MRPL39: variants seen among roughly 807,000 people sequenced by gnomAD.
MRPL39 encodes mitochondrial ribosomal protein L39, also known as large ribosomal subunit protein mL39.
In MRPL39, 35 loss-of-function variants were observed where a neutral mutation model predicts 44.5. The ratio of observed to expected loss-of-function variants is 0.79; its 90% confidence interval spans 0.60 to 1.04. MRPL39 has a LOEUF of 1.04. Ranked by LOEUF, MRPL39 falls within the 50% of genes least tolerant of loss-of-function variation. The probability of loss-of-function intolerance (pLI) is 0.00; values close to 1 mark genes in which losing one functional copy is unlikely to be tolerated. For missense variants in MRPL39, 433 were observed against 413.5 expected, an observed-to-expected ratio of 1.05 and a Z score of -0.41; for synonymous variants, 139 against 136.1, an observed-to-expected ratio of 1.02 and a Z score of -0.15.
chr21:25,593,879 A>G lies in MRPL39; in HGVS notation c.767+14T>C, dbSNP rs760073046. The G allele has an allele frequency of 3.1e-6, 5 of 1,609,280 alleles. No homozygotes were observed. The South Asian group carries it at 4.4e-5, about 14-fold the overall frequency. On this transcript the variant is annotated intron_variant, in intron 7 of 9. Coordinates refer to ENST00000352957, the MANE Select transcript of MRPL39 (RefSeq NM_017446.4). ...TACTCTAACATAGCAGCCAGTTTTT[A>G]GACTTTTACTTACCTGTGTAGCTTG... is the stretch of plus-strand genomic sequence containing the variant.
In MRPL39 at chr21:25,606,449, G is replaced by A; in HGVS notation, c.280C>T (p.His94Tyr). 6.3e-7 allele frequency: 1 copy of A among 1,591,524 alleles called. No individual in the cohort carries two copies. Among genetic ancestry groups the A allele is most frequent in the Non-Finnish European group, 8.6e-7 (1 of 1,168,036 alleles). ...ACTGTAACCTGATTCTGCTACTTAC[G>A]CATGGCACAACTGTAGGGAGTTGAA... Reference protein sequence around the residue: ...NISTPYSCAMHLSEWYCRKSI... With the variant: ...NISTPYSCAMYLSEWYCRKSI... Residue 94 changes from histidine to tyrosine, a missense_variant and splice_region_variant, in exon 2 of 10, where the codon CAT becomes TAT. His to Tyr is a moderately conservative substitution (Grantham distance 83). Coordinates refer to ENST00000352957, the MANE Select transcript of MRPL39 (RefSeq NM_017446.4).
intron 8 of MRPL39, among the ~76,000 whole-genome samples, chr21:25,592,226 G>C (rs1346107701): frequency 6.6e-6 from 1 of 152,148 alleles, no homozygotes; most frequent in Non-Finnish European, 1.5e-5. Flanking sequence ...AGGCCAACAT[G>C]AGGGATCCCC....
chr21:25,595,948 C>G (rs1454595074), intron 6 of MRPL39, among the ~76,000 whole-genome samples: 1 of 152,172 alleles, frequency 6.6e-6, no homozygotes, highest in Non-Finnish European at 1.5e-5. Context: ...ACTATCTGTA[C>G]TCTAGTTAAA....
At chr21:25,607,568 T>G, upstream of MRPL39, 1 of 1,329,292 alleles carries the variant, frequency 7.5e-7, no homozygotes, top group Non-Finnish European at 1.0e-6. Context: ...ACAGGTCTGT[T>G]CCGGACCCAG....
intron 7 of MRPL39, 143 bp from the exon 8 acceptor site, chr21:25,593,108 C>G: frequency 1.5e-6 from 1 of 658,438 alleles, no homozygotes; most frequent in Admixed American, 3.4e-5. Flanking sequence ...TCTAATGACC[C>G]CTGACATAAT....
rs1401011005 is a variant in MRPL39 at position 25,606,599 on chromosome 21, G to A, written c.130C>T (p.Arg44Trp). The change falls in exon 2 of 10, where the codon CGG (arginine) becomes TGG (tryptophan). Residue 44 changes from arginine to tryptophan, a missense_variant. By Grantham distance (101) the Arg-to-Trp change is moderately radical (BLOSUM62 -3). Transcript: ENST00000352957. ...TTCTCTTTATTAAAGAGATCATTCC[G>A]CATTTCTGTCAATTCTGTCGGTGAC... ...QLSPTELTEM[R>W]NDLFNKEKAR... 1.2e-6 allele frequency: 2 copies of A among 1,613,686 alleles called. No individual in the cohort carries two copies. Among genetic ancestry groups the A allele is most frequent in the Non-Finnish European group, 1.7e-6 (2 of 1,179,814 alleles).
intron 4 of MRPL39, among the ~76,000 whole-genome samples, chr21:25,600,876 G>A (rs1165796735): frequency 3.3e-5 from 5 of 152,196 alleles, no homozygotes; most frequent in African/African-American, 1.2e-4. Context: ...GGGAGGCCGA[G>A]GCAGGCAGAT....
intron 6 of MRPL39, 61 bp from the exon 7 acceptor site, chr21:25,594,019 A>G: frequency 1.5e-6 from 2 of 1,371,742 alleles, no homozygotes; most frequent in Middle Eastern, 2.1e-4. Flanking sequence ...AGGTGTTTAA[A>G]GATACCTCCC....
chr21:25,592,861 G>A lies in MRPL39; in HGVS notation c.872C>T (p.Pro291Leu), dbSNP rs767308986. 8 of 1,612,830 alleles carry A rather than the reference G, an allele frequency of 5.0e-6. No homozygotes were observed. The African/African-American group carries it at 1.1e-4, about 22-fold the overall frequency. ...GCCCTGGAATCTTCGTATGAGACTT[G>A]GCTGGGTGGGTTGAAGATTGTGAAC... ...SAVHNLQPTQ[P>L]SLIRRFQGVS... Residue 291 changes from proline to leucine, a missense_variant, in exon 8 of 10, where the codon CCA becomes CTA. Pro to Leu is a moderately conservative substitution (Grantham distance 98, BLOSUM62 -3). Transcript: ENST00000352957.
chr21:25,587,632 C>T, intron 9 of MRPL39: 1 of 1,192,488 alleles, frequency 8.4e-7, no homozygotes, highest in Non-Finnish European at 1.2e-6. Flanking sequence ...AGAAAACAAT[C>T]AAAAAATAGT....
chr21:25,597,424 G>T lies in MRPL39; in HGVS notation c.589-10C>A, dbSNP rs1568863635. 1.4e-6 allele frequency: 2 copies of T among 1,435,460 alleles called. No homozygotes were observed. The highest frequency in any genetic ancestry group is 9.7e-7 in the Non-Finnish European group (1 of 1,031,864). 88.9% of individuals were successfully genotyped at this position (1,435,460 alleles called of 1,614,324 possible). A position where few individuals can be genotyped will look rare whatever the true frequency, so the allele number is the denominator to read the frequency against. ...AGGAACGTAAGTTCTCCTTAAAAAT[G>T]AAAGTAATAACCTTTAGTAACAATT... On this transcript the variant is annotated splice_polypyrimidine_tract_variant and intron_variant, in intron 5 of 9. Coordinates refer to ENST00000352957, the MANE Select transcript of MRPL39 (RefSeq NM_017446.4).
chr21:25,607,450 CG>C lies in MRPL39; in HGVS notation c.25del (p.Arg9GlyfsTer19). 1.2e-6 allele frequency: 2 copies of C among 1,613,050 alleles called. No individual in the cohort carries two copies. Among genetic ancestry groups the C allele is most frequent in the Non-Finnish European group, 1.7e-6 (2 of 1,179,952 alleles). ...TGCGACCAGCCAGAGCCGCAGCGCC[CG>C]GGAACCCATGGCCAGCGCCTCCATA... MEALAMGS[R>X]ALRLWLVAPG... On this transcript the variant is annotated frameshift_variant, in exon 1 of 10. Coordinates refer to ENST00000352957, the MANE Select transcript of MRPL39 (RefSeq NM_017446.4). LOFTEE classifies it high-confidence loss of function.
In MRPL39 at chr21:25,606,642, T is replaced by C; in HGVS notation, c.87A>G (p.Thr29=). 3 of 1,611,486 alleles carry C rather than the reference T, an allele frequency of 1.9e-6. No homozygotes were observed. The highest frequency in any genetic ancestry group is 2.5e-6 in the Non-Finnish European group (3 of 1,177,752). The change falls in exon 2 of 10, where the codon ACA becomes ACG. Residue 29 remains threonine, a synonymous_variant. Transcript: ENST00000352957. Reference sequence around the variant, plus strand: ...TCGGTGACAGCTGAGAAGCTGACGATGTTGCTATAAATCCTGTGGAGAAGT... The same window carrying C: ...TCGGTGACAGCTGAGAAGCTGACGACGTTGCTATAAATCCTGTGGAGAAGT... The part of the protein sequence containing the change: ...GGGIKWRFIA[T]SSASQLSPTE...
rs2031052032 is a variant in MRPL39 at position 25,587,938 on chromosome 21, G to A, written c.969+897C>T. ...AGTCCTAATGAGGACAGATTACACA[G>A]GACAGCTATCAGATAACCTAAGTAA... is the stretch of plus-strand genomic sequence containing the variant. On this transcript the variant is annotated intron_variant, in intron 9 of 9. Transcript: ENST00000352957. 4.7e-6 allele frequency: 3 copies of A among 644,964 alleles called. No homozygotes were observed. In the Admixed American group the frequency reaches 7.3e-5, roughly 16 times the overall value. 40.0% of individuals were successfully genotyped at this position (644,964 alleles called of 1,614,324 possible).
intron 8 of MRPL39, among the ~76,000 whole-genome samples, chr21:25,591,093 A>C (rs55839034): frequency 5.3e-5 from 5 of 95,100 alleles, no homozygotes; most frequent in South Asian, 3.1e-4. Flanking sequence ...AAAAAAAAAA[A>C]AAAAAAAAAA....
intron 6 of MRPL39, 91 bp from the exon 7 acceptor site, chr21:25,594,049 A>G: frequency 9.3e-7 from 1 of 1,074,744 alleles, no homozygotes. Context: ...CTCTTCAGCC[A>G]TACTTTCTGA....
chr21:25,590,572 T>C (rs1402302075), intron 8 of MRPL39, among the ~76,000 whole-genome samples: 1 of 152,018 alleles, frequency 6.6e-6, no homozygotes, highest in African/African-American at 2.4e-5. Context: ...TGGAGAAAAG[T>C]CAAAGTCAAA....
chr21:25,598,860 A>G (rs1391148622), intron 5 of MRPL39, among the ~76,000 whole-genome samples: 2 of 142,372 alleles, frequency 1.4e-5, no homozygotes, highest in African/African-American at 5.7e-5. Flanking sequence ...TAAGGGGAAA[A>G]AAAAAAAAAA....
chr21:25,607,316 G>GGCCCCGCCTC lies in MRPL39; in HGVS notation c.73+86_73+87insGAGGCGGGGC, dbSNP rs2031713719. 18 of 1,458,838 alleles carry GGCCCCGCCTC rather than the reference G, an allele frequency of 1.2e-5. No homozygotes were observed. In the South Asian group the frequency reaches 1.9e-4, roughly 15 times the overall value. The allele number at this position is 1,458,838 out of a possible 1,614,324, so 90.4% of individuals were successfully genotyped here. A position where few individuals can be genotyped will look rare whatever the true frequency, so the allele number is the denominator to read the frequency against. On this transcript the variant is annotated intron_variant, in intron 1 of 9. Coordinates refer to ENST00000352957, the MANE Select transcript of MRPL39 (RefSeq NM_017446.4). Reference sequence around the variant, plus strand: ...CCCTCCTCCTTCCTCTGCCCCGCGGGACCTCCCCGGCCCCGCCTCAGACCC... The same window carrying GGCCCCGCCTC: ...CCCTCCTCCTTCCTCTGCCCCGCGGGGCCCCGCCTCACCTCCCCGGCCCCGCCTCAGACCC...
Sources: allele counts gnomAD v4.1 joint callset (sites outside exome capture counted in the v4.1 genomes callset), GRCh38; gene constraint gnomAD v4.1.1; transcripts MANE v1.5; gene names NCBI Gene and HGNC (gene_info 2026-07-23, HGNC 2026-07-21).